RXRB: variants seen among roughly 807,000 people sequenced by gnomAD.
RXRB encodes retinoid X receptor beta.
RXRB carries 18 observed loss-of-function variants against 52.5 expected under a neutral mutation model. The ratio of observed to expected loss-of-function variants is 0.34; its 90% CI spans 0.24 to 0.51. RXRB has a LOEUF of 0.51. RXRB is among the 20% of genes least tolerant of loss of function. The pLI, the probability that RXRB is intolerant of heterozygous loss-of-function variation, is 0.97. For synonymous variants in RXRB, 233 were observed against 267.1 expected, an observed-to-expected ratio of 0.87 and a Z score of 1.25; for missense variants, 455 against 698.2, an observed-to-expected ratio of 0.65 and a Z score of 3.92.
Position 33,196,372 on chromosome 6 carries a change from A to C in RXRB, c.993+62T>G, listed in dbSNP as rs769353746. 2.7e-5 allele frequency: 40 copies of C among 1,501,596 alleles called. No individual in the cohort carries two copies. Among genetic ancestry groups the C allele is most frequent in the Non-Finnish European group, 2.8e-6 (3 of 1,078,752 alleles). 93.0% of individuals were successfully genotyped at this position (1,501,596 alleles called of 1,614,324 possible). ...AAAGGAGGGGGAGGGGATGTAGAAC[A>C]GACCTAGACTGCCTCCCCCAACCCC... On this transcript the variant is annotated intron_variant, in intron 5 of 9. Coordinates refer to ENST00000374680, the MANE Select transcript of RXRB (RefSeq NM_021976.5). This position sits in a 1 kb window ranked among gnomAD's most constrained non-coding sequence, Gnocchi z 4.0.
In RXRB at chr6:33,196,214, A is replaced by G. The variant is rs1304687205; in HGVS notation, c.994-178T>C. 3.2e-6 allele frequency: 3 copies of G among 943,428 alleles called. No individual in the cohort carries two copies. Among genetic ancestry groups the G allele is most frequent in the Non-Finnish European group, 3.3e-6 (2 of 606,972 alleles). 58.4% of individuals were successfully genotyped at this position (943,428 alleles called of 1,614,324 possible). The stretch of plus-strand genomic sequence containing the variant: ...GTGCAAACAATTATTTATTTGGGAC[A>G]TGCCTATGGTTCTGCCAGTGGGTTG... On this transcript the variant is annotated intron_variant, in intron 5 of 9. Coordinates refer to ENST00000374680, the MANE Select transcript of RXRB (RefSeq NM_021976.5). This position sits in a 1 kb window ranked among gnomAD's most constrained non-coding sequence, Gnocchi z 4.0.
At position 33,196,282 on chromosome 6, in the gene RXRB, A is replaced by G. The variant is rs767486350; in HGVS notation, c.993+152T>C. The G allele has an allele frequency of 1.0e-6, 1 of 973,286 alleles. No individual in the cohort carries two copies. Among genetic ancestry groups the G allele is most frequent in the Non-Finnish European group, 1.6e-6 (1 of 607,278 alleles). 60.3% of individuals were successfully genotyped at this position (973,286 alleles called of 1,614,324 possible). A position where few individuals can be genotyped will look rare whatever the true frequency, so the allele number is the denominator to read the frequency against. On this transcript the variant is annotated intron_variant, in intron 5 of 9. Coordinates refer to ENST00000374680, the MANE Select transcript of RXRB (RefSeq NM_021976.5). This position sits in a 1 kb window ranked among gnomAD's most constrained non-coding sequence, Gnocchi z 4.0. ...GAAGGAGCTATCACATCCACCTCAGATGTTTGAAAGACCTTGTTTGGCAGC... is the reference window on the plus strand; with the variant it reads ...GAAGGAGCTATCACATCCACCTCAGGTGTTTGAAAGACCTTGTTTGGCAGC...
chr6:33,196,001 A>G lies in RXRB; in HGVS notation c.1029T>C (p.Ala343=). The G allele has an allele frequency of 6.2e-7, 1 of 1,613,084 alleles. No homozygotes were observed. The highest frequency in any genetic ancestry group is 1.1e-5 in the South Asian group (1 of 91,088). Residue 343 remains alanine, a synonymous_variant, in exon 6 of 10, where the codon GCT becomes GCC. Coordinates refer to ENST00000374680, the MANE Select transcript of RXRB (RefSeq NM_021976.5). The surrounding 1 kb of genome is among the most constrained non-coding windows in gnomAD (Gnocchi z 4.0). ...CAACAAGCGTGAATAGCTGTTTGTC[A>G]GCTGCCTGACAGATGTTAGTCACAG... ...NDPVTNICQA[A]DKQLFTLVEW... is the part of the protein sequence containing the mutation.
rs1467006668 is a variant in RXRB, at chr6:33,197,699, GTC to G, written c.820+61_820+62del. On this transcript the variant is annotated intron_variant, in intron 4 of 9. Coordinates refer to ENST00000374680, the MANE Select transcript of RXRB (RefSeq NM_021976.5). This position sits in a 1 kb window ranked among gnomAD's most constrained non-coding sequence, Gnocchi z 4.4. ...GTCCACCCTTCCAGAGAGGTACACA[GTC>G]TGAGTGGGATAAGGGAGAAGGGCAT... is the stretch of plus-strand genomic sequence containing the variant. 1 of 1,507,254 alleles carries G rather than the reference GTC, an allele frequency of 6.6e-7. No homozygotes were observed. The highest frequency in any genetic ancestry group is 9.2e-7 in the Non-Finnish European group (1 of 1,092,428). 93.4% of individuals were successfully genotyped at this position (1,507,254 alleles called of 1,614,324 possible).
At position 33,200,245 on chromosome 6, in the gene RXRB, G is replaced by C. The variant is rs1383338830; in HGVS notation, c.232C>G (p.Arg78Gly). 4.4e-6 allele frequency: 7 copies of C among 1,605,698 alleles called. No homozygotes were observed. Among genetic ancestry groups the C allele is most frequent in the East Asian group, 2.2e-5 (1 of 44,788 alleles). The change falls in exon 1 of 10, where the codon CGG becomes GGG. Residue 78 changes from arginine to glycine, a missense_variant. Arg to Gly is a moderately radical substitution (Grantham distance 125). This residue lies in a region of RXRB where 225 missense variants were observed against 258.6 expected (regional missense o/e 0.87). Coordinates refer to ENST00000374680, the MANE Select transcript of RXRB (RefSeq NM_021976.5). The surrounding 1 kb of genome is among the most constrained non-coding windows in gnomAD (Gnocchi z 6.3). ...AGRDGMGDSG[R>G]DSRSPDSSSP... The stretch of plus-strand genomic sequence containing the variant: ...GCCCTTCTGCTGGGGCACTCACCCC[G>C]CCCGCTGTCGCCCATCCCGTCCCGT...
In RXRB at chr6:33,196,912, A is replaced by AT. The variant is rs1408636224; in HGVS notation, c.821-307dup. The stretch of plus-strand genomic sequence containing the variant: ...CTGAGAAAGCTGATTGAAAAAAAAA[A>AT]TTTTTTTAAATAAAATATGCCAAGA... On this transcript the variant is annotated intron_variant, in intron 4 of 9. Transcript: ENST00000374680. This position sits in a 1 kb window ranked among gnomAD's most constrained non-coding sequence, Gnocchi z 4.0. Among the ~76,000 whole-genome samples, 4 of 151,666 alleles carry AT rather than the reference A, an allele frequency of 2.6e-5. No individual in the cohort carries two copies. Among genetic ancestry groups the AT allele is most frequent in the Admixed American group, 1.3e-4 (2 of 15,238 alleles).
rs375718015 is a variant in RXRB at position 33,200,367 on chromosome 6, C to A, written c.110G>T (p.Arg37Leu). Residue 37 changes from arginine to leucine, a missense_variant, in exon 1 of 10, where the codon CGG (arginine) becomes CTG (leucine). Coordinates refer to ENST00000374680, the MANE Select transcript of RXRB (RefSeq NM_021976.5). The surrounding 1 kb of genome is among the most constrained non-coding windows in gnomAD (Gnocchi z 6.3). ...EMHCGVASRW[R>L]RRRPWLDPAA... ...GGGATCCAGCCAGGGCCGTCGCCGC[C>A]GCCACCGGGACGCGACCCCACAATG... is the stretch of plus-strand genomic sequence containing the variant. The A allele has an allele frequency of 5.1e-6, 8 of 1,566,440 alleles. No homozygotes were observed. The East Asian group carries it at 1.9e-4, about 37-fold the overall frequency.
chr6:33,197,780 T>C lies in RXRB; in HGVS notation c.802A>G (p.Thr268Ala). The change falls in exon 4 of 10, where the codon ACT becomes GCT. Residue 268 changes from threonine (T) to alanine (A), a missense_variant. Transcript: ENST00000374680. The surrounding 1 kb of genome is among the most constrained non-coding windows in gnomAD (Gnocchi z 4.4). ...QYCRYQKCLA[T>A]GMKREAVQEE... ...TCCTTACCCTCCCTCTTCATGCCAGTGGCCAGGCACTTCTGATAGCGGCAG... is the reference window on the plus strand; with the variant it reads ...TCCTTACCCTCCCTCTTCATGCCAGCGGCCAGGCACTTCTGATAGCGGCAG... The C allele has an allele frequency of 6.2e-7, 1 of 1,614,016 alleles. No individual in the cohort carries two copies. The highest frequency in any genetic ancestry group is 8.5e-7 in the Non-Finnish European group (1 of 1,180,024).
rs189304618 is a variant in RXRB, at chr6:33,197,210, A to G, written c.820+552T>C. On this transcript the variant is annotated intron_variant, in intron 4 of 9. Transcript: ENST00000374680. The surrounding 1 kb of genome is among the most constrained non-coding windows in gnomAD (Gnocchi z 4.4). ...AACCTGCCTGCCACTCCTTTGTTGC[A>G]TGACCTTGGGAAAGCCAAGCCTCAG... Among the ~76,000 whole-genome samples the G allele has an allele frequency of 6.6e-6, 1 of 152,340 alleles. No homozygotes were observed. The highest frequency in any genetic ancestry group is 6.5e-5 in the Admixed American group (1 of 15,310).
Position 33,200,145 on chromosome 6 carries a change from CG to C in RXRB, c.235+96del. Reference sequence around the variant, plus strand: ...GGACGCGTGTTTACAAACAAGGGGGCGGGAGCGCAAGGAAAAGAGCACCGGG... The same window carrying C: ...GGACGCGTGTTTACAAACAAGGGGGCGGAGCGCAAGGAAAAGAGCACCGGG... On this transcript the variant is annotated intron_variant, in intron 1 of 9. Transcript: ENST00000374680. The surrounding 1 kb of genome is among the most constrained non-coding windows in gnomAD (Gnocchi z 6.3). 6.7e-7 allele frequency: 1 copy of C among 1,487,900 alleles called. No individual in the cohort carries two copies. The highest frequency in any genetic ancestry group is 1.1e-5 in the South Asian group (1 of 87,160). 92.2% of individuals were successfully genotyped at this position (1,487,900 alleles called of 1,614,324 possible). A position where few individuals can be genotyped will look rare whatever the true frequency, so the allele number is the denominator to read the frequency against.
In RXRB at chr6:33,196,093, T is replaced by C. The variant is rs2150662040; in HGVS notation, c.994-57A>G. On this transcript the variant is annotated intron_variant, in intron 5 of 9. Transcript: ENST00000374680. The surrounding 1 kb of genome is among the most constrained non-coding windows in gnomAD (Gnocchi z 4.0). The stretch of plus-strand genomic sequence containing the variant: ...ATTTTGAGATATGCTGGGAGCCCCC[T>C]TGTAAGAGGCTTTTGACACCCCCTC... 4 of 1,607,264 alleles carry C rather than the reference T, an allele frequency of 2.5e-6. No individual in the cohort carries two copies. The South Asian group carries it at 4.4e-5, about 18-fold the overall frequency.
chr6:33,194,661 GCAC>G lies in RXRB; in HGVS notation c.*18_*20del, dbSNP rs748311732. The stretch of plus-strand genomic sequence containing the variant: ...GATGTGTGCTCCTCCAGTGTGAGAA[GCAC>G]CACGTCTGGGTCTGAGCTCAGGCCA... On this transcript the variant is annotated 3_prime_UTR_variant, in exon 10 of 10. Coordinates refer to ENST00000374680, the MANE Select transcript of RXRB (RefSeq NM_021976.5). The surrounding 1 kb of genome is among the most constrained non-coding windows in gnomAD (Gnocchi z 4.1). The G allele has an allele frequency of 4.5e-5, 72 of 1,609,816 alleles. No homozygotes were observed. The highest frequency in any genetic ancestry group is 5.4e-5 in the Non-Finnish European group (64 of 1,178,378).
At chr6:33,199,026 G>A (rs1209382951) in intron 2 of RXRB, 143 bp downstream of exon 2, 13 of 491,766 alleles carry the variant, frequency 2.6e-5, no homozygotes. Flanking sequence ...AAAGGCAAGG[G>A]GTCTCATAAA....
Position 33,194,892 on chromosome 6 carries a change from C to T in RXRB, c.1454+53G>A, listed in dbSNP as rs1773776827. The T allele has an allele frequency of 5.0e-6, 8 of 1,611,084 alleles. No homozygotes were observed. The highest frequency in any genetic ancestry group is 6.8e-6 in the Non-Finnish European group (8 of 1,178,610). On this transcript the variant is annotated intron_variant, in intron 9 of 9. Coordinates refer to ENST00000374680, the MANE Select transcript of RXRB (RefSeq NM_021976.5). The surrounding 1 kb of genome is among the most constrained non-coding windows in gnomAD (Gnocchi z 4.1). The stretch of plus-strand genomic sequence containing the variant: ...AGCACACGGGCCCTGAACACATCCT[C>T]ATAGCACTCCCCACCCCCAAGGGAG...
chr6:33,195,587 T>C lies in RXRB; in HGVS notation c.1239A>G (p.Val413=), dbSNP rs142133507. ...CCACTGACCGATCAAAGATGGCTCC[T>C]ACTCCTGCTGAATGGGCTGAGTTGC... is the stretch of plus-strand genomic sequence containing the variant. ...VHRNSAHSAG[V]GAIFDRVLTE... is the part of the protein sequence containing the mutation. Residue 413 remains valine, a synonymous_variant, in exon 7 of 10, where the codon GTA becomes GTG. Transcript: ENST00000374680. This position sits in a 1 kb window ranked among gnomAD's most constrained non-coding sequence, Gnocchi z 8.6. 5 of 1,612,996 alleles carry C rather than the reference T, an allele frequency of 3.1e-6. No homozygotes were observed. The highest frequency in any genetic ancestry group is 1.3e-5 in the African/African-American group (1 of 74,924).
At chr6:33,198,656 C>G in intron 2 of RXRB, 192 bp from the exon 3 acceptor site, 1 of 708,912 alleles carries the variant, frequency 1.4e-6, no homozygotes, top group Non-Finnish European at 2.5e-6. Context: ...CAGGCCCCCC[C>G]TGAAATTGTG....
Position 33,198,299 on chromosome 6 carries a change from G to A in RXRB, c.640+9C>T. On this transcript the variant is annotated intron_variant, in intron 3 of 9. Coordinates refer to ENST00000374680, the MANE Select transcript of RXRB (RefSeq NM_021976.5). ...CTCTCCCTCTCTGTTCATCCTCTGA[G>A]CCACATACCTGAGCTTCTGTCCCCG... is the stretch of plus-strand genomic sequence containing the variant. 5.0e-6 allele frequency: 8 copies of A among 1,612,960 alleles called. No homozygotes were observed. Among genetic ancestry groups the A allele is most frequent in the Non-Finnish European group, 6.8e-6 (8 of 1,179,946 alleles).
In RXRB at chr6:33,197,889, G is replaced by A. The variant is rs769816339; in HGVS notation, c.693C>T (p.Arg231=). The A allele has an allele frequency of 1.9e-6, 3 of 1,613,618 alleles. No individual in the cohort carries two copies. The highest frequency in any genetic ancestry group is 3.3e-5 in the Admixed American group (2 of 60,026). Reference sequence around the variant, plus strand: ...AGTATGTAAGGTCTTTGCGGATGGTGCGTTTGAAGAAGCCCTTGCAACCCT... The same window carrying A: ...AGTATGTAAGGTCTTTGCGGATGGTACGTTTGAAGAAGCCCTTGCAACCCT... ...SCEGCKGFFK[R]TIRKDLTYSC... is the part of the protein sequence containing the mutation. Residue 231 remains arginine (R), a synonymous_variant, in exon 4 of 10, where the codon CGC becomes CGT. Transcript: ENST00000374680. This position sits in a 1 kb window ranked among gnomAD's most constrained non-coding sequence, Gnocchi z 4.4.
Position 33,200,101 on chromosome 6 carries a change from A to C in RXRB, c.235+141T>G. On this transcript the variant is annotated intron_variant, in intron 1 of 9. Coordinates refer to ENST00000374680, the MANE Select transcript of RXRB (RefSeq NM_021976.5). This position sits in a 1 kb window ranked among gnomAD's most constrained non-coding sequence, Gnocchi z 6.3. ...GCCCCGCCCCGGGGGGGAGGGTGCT[A>C]AGGCCCTCGGGAGGGAGGGGACGCG... is the stretch of plus-strand genomic sequence containing the variant. 2.5e-6 allele frequency: 3 copies of C among 1,182,652 alleles called. No individual in the cohort carries two copies. Among genetic ancestry groups the C allele is most frequent in the Non-Finnish European group, 3.7e-6 (3 of 800,846 alleles). The allele number at this position is 1,182,652 out of a possible 1,614,324, so 73.3% of individuals were successfully genotyped here. A position where few individuals can be genotyped will look rare whatever the true frequency, so the allele number is the denominator to read the frequency against.
Sources: allele counts gnomAD v4.1 joint callset (sites outside exome capture counted in the v4.1 genomes callset), GRCh38; gene constraint gnomAD v4.1.1; regional missense constraint gnomAD v4.1.1; non-coding constraint Gnocchi (gnomAD v3.1); transcripts MANE v1.5; gene names NCBI Gene and HGNC (gene_info 2026-07-23, HGNC 2026-07-21).